Variants in KALRN observed in about 807,000 individuals in gnomAD.
KALRN encodes kalirin RhoGEF kinase, also known as kalirin.
Under a neutral mutation model 353.7 loss-of-function variants are expected in KALRN, and 70 were observed. That is an observed-to-expected ratio of 0.20 (90% confidence interval 0.16 to 0.24). The LOEUF (loss-of-function observed/expected upper bound fraction) is 0.24. KALRN is among the 10% of genes least tolerant of loss of function. The probability of loss-of-function intolerance (pLI) is 1.00; values close to 1 mark genes in which losing one functional copy is unlikely to be tolerated. For synonymous variants in KALRN, 1,391 were observed against 1,434.8 expected (o/e 0.97, Z 0.69); for missense variants, 2,791 against 3,756.7 (o/e 0.74, Z 6.72).
At chr3:124,197,730 C>G (rs1322040698) in intron 1 of KALRN, among the ~76,000 whole-genome samples, 1 of 152,190 alleles carries the variant, frequency 6.6e-6, no homozygotes, top group African/African-American at 2.4e-5. Flanking sequence ...ACCACAGACC[C>G]TATACTGCTG....
chr3:124,599,685 C>A (rs1445676600), intron 34 of KALRN, among the ~76,000 whole-genome samples: 1 of 152,188 alleles, frequency 6.6e-6, no homozygotes, highest in Non-Finnish European at 1.5e-5. Context: ...AATTCCCATT[C>A]CACAAAGGGA....
intron 34 of KALRN, among the ~76,000 whole-genome samples, chr3:124,616,420 T>C (rs1249294672): frequency 1.3e-5 from 2 of 152,220 alleles, no homozygotes; most frequent in Non-Finnish European, 1.5e-5. Flanking sequence ...GCTCCTACTT[T>C]GGCATTCATA....
intron 47 of KALRN, among the ~76,000 whole-genome samples, chr3:124,669,726 AG>A (rs1179502464): frequency 3.3e-5 from 5 of 152,208 alleles, no homozygotes; most frequent in Non-Finnish European, 7.3e-5. Context: ...AGACCTCCCG[AG>A]GATACCAGAG....
At chr3:124,495,283 C>T (rs189603598) in intron 32 of KALRN, among the ~76,000 whole-genome samples, 9 of 152,268 alleles carry the variant, frequency 5.9e-5, no homozygotes, top group Non-Finnish European at 8.8e-5. Context: ...TCATTATAAA[C>T]ATGCATGAGA....
intron 1 of KALRN, among the ~76,000 whole-genome samples, chr3:124,128,888 C>A (rs1286880248): frequency 6.6e-6 from 1 of 152,042 alleles, no homozygotes; most frequent in African/African-American, 2.4e-5. Context: ...TGCTTGTTCC[C>A]TGTCCCCTCC....
intron 6 of KALRN, among the ~76,000 whole-genome samples, chr3:124,306,061 G>A (rs2077668952): frequency 6.6e-6 from 1 of 152,004 alleles, no homozygotes; most frequent in African/African-American, 2.4e-5. Flanking sequence ...CAGAATATCA[G>A]TAAAGACATT....
chr3:124,679,576 G>C, intron 51 of KALRN, 59 bp downstream of exon 51: 2 of 1,400,716 alleles, frequency 1.4e-6, no homozygotes, highest in East Asian at 2.3e-5. Flanking sequence ...GATGTGTTCT[G>C]TAACAGTGAC....
At chr3:124,320,051 C>T (rs1036235791) in intron 6 of KALRN, among the ~76,000 whole-genome samples, 4 of 152,038 alleles carry the variant, frequency 2.6e-5, no homozygotes, top group Non-Finnish European at 5.9e-5. Flanking sequence ...GGTGTGCTTC[C>T]CTCGTATGTA....
chr3:124,039,892 G>T (rs2039792094), intron 1 of KALRN, among the ~76,000 whole-genome samples: 1 of 152,058 alleles, frequency 6.6e-6, no homozygotes, highest in Non-Finnish European at 1.5e-5. Context: ...CTGGGCTTTT[G>T]GTCACATCAT....
chr3:124,620,763 C>A (rs1388092632), intron 34 of KALRN, among the ~76,000 whole-genome samples: 1 of 152,190 alleles, frequency 6.6e-6, no homozygotes, highest in Non-Finnish European at 1.5e-5. Context: ...TATCTAGGGG[C>A]AGAGGGTGGA....
At chr3:124,673,010 G>A (rs73195561) in intron 48 of KALRN, among the ~76,000 whole-genome samples, 4,249 of 152,190 alleles carry the variant, frequency 0.028, 79 homozygotes, top group East Asian at 0.078. Context: ...GATTTGTTCC[G>A]TCACATCACC....
chr3:124,479,961 GATCTACCC>G (rs1246864457), intron 27 of KALRN, among the ~76,000 whole-genome samples: 1 of 152,050 alleles, frequency 6.6e-6, no homozygotes, highest in Non-Finnish European at 1.5e-5. Context: ...CTGACCTCGT[GATCTACCC>G]GCCTCGGCCT....
chr3:124,634,747 C>T (rs1277420319), intron 36 of KALRN, among the ~76,000 whole-genome samples: 5 of 152,040 alleles, frequency 3.3e-5, no homozygotes, highest in Admixed American at 2.0e-4. Context: ...AGACTCTGGA[C>T]GTGGAAGCGG....
At chr3:124,127,433 A>T (rs1459306317) in intron 1 of KALRN, among the ~76,000 whole-genome samples, 1 of 152,098 alleles carries the variant, frequency 6.6e-6, no homozygotes, top group Non-Finnish European at 1.5e-5. Context: ...GTGTTTCTAA[A>T]CTAGACTAAT....
At chr3:124,455,620 A>G (rs575198436) in intron 22 of KALRN, among the ~76,000 whole-genome samples, 2 of 152,308 alleles carry the variant, frequency 1.3e-5, no homozygotes, top group South Asian at 4.1e-4. Context: ...GCTACAGAAC[A>G]GAGTTTTTCT....
chr3:124,435,793 C>A (rs1448147553), intron 17 of KALRN, among the ~76,000 whole-genome samples: 1 of 152,164 alleles, frequency 6.6e-6, no homozygotes, highest in Non-Finnish European at 1.5e-5. Context: ...TCAACACAGT[C>A]TCAATCAAAT....
intron 1 of KALRN, among the ~76,000 whole-genome samples, chr3:124,073,809 C>A (rs1452366522): frequency 1.3e-5 from 2 of 152,112 alleles, no homozygotes; most frequent in African/African-American, 4.8e-5. Context: ...GGATTCGAAC[C>A]TATGGACATA....
intron 5 of KALRN, among the ~76,000 whole-genome samples, chr3:124,286,082 CCTTTCTTTCTTTCTTTCTTT>C (rs55864207): frequency 8.8e-5 from 9 of 102,252 alleles, no homozygotes; most frequent in Middle Eastern, 4.6e-3. Context: ...TTCTTTCCTT[CCTTTCTTTCTTTCTTTCTTT>C]CTTTCTTTCT....
intron 19 of KALRN, among the ~76,000 whole-genome samples, chr3:124,444,910 C>T (rs1002795438): frequency 6.6e-6 from 1 of 151,920 alleles, no homozygotes. Context: ...CCAAACTTGG[C>T]TGGGGAGGTG....
Sources: gnomAD v4.1 joint callset for allele counts (sites outside exome capture counted in the v4.1 genomes callset) on GRCh38, gnomAD v4.1.1 for gene constraint, MANE v1.5 for transcripts, NCBI Gene and HGNC (gene_info 2026-07-23, HGNC 2026-07-21) for gene names.